The following PIP5K1B variants were observed in gnomAD, a reference collection of about 807,000 sequenced individuals.
PIP5K1B encodes the protein phosphatidylinositol-4-phosphate 5-kinase type 1 beta.
In PIP5K1B, 42 loss-of-function variants were observed where a neutral mutation model predicts 67.0. That is an observed-to-expected ratio of 0.63 (90% confidence interval 0.49 to 0.81). PIP5K1B has a LOEUF of 0.81. PIP5K1B is among the 30% of genes least tolerant of loss of function. The pLI is 0.00. For missense variants in PIP5K1B, 459 were observed against 646.3 expected (o/e 0.71, Z 3.14); for synonymous variants, 214 against 231.4 (o/e 0.92, Z 0.68).
chr9:68,943,478 G>A (rs1185980501), intron 14 of PIP5K1B, among the ~76,000 whole-genome samples: 2 of 151,994 alleles, frequency 1.3e-5, no homozygotes, highest in Non-Finnish European at 2.9e-5. Flanking sequence ...TTATTCAACT[G>A]GCAAACTTCA....
At chr9:68,783,000 A>G (rs1403512844) in intron 2 of PIP5K1B, 1 of 166,990 alleles carries the variant, frequency 6.0e-6, no homozygotes, top group Non-Finnish European at 1.5e-5. Flanking sequence ...TCCCTTCTCT[A>G]TCTGTTGCCC....
At chr9:68,804,845 T>C (rs1345886177) in intron 2 of PIP5K1B, among the ~76,000 whole-genome samples, 2 of 152,210 alleles carry the variant, frequency 1.3e-5, no homozygotes, top group Non-Finnish European at 2.9e-5. Context: ...TACTTGGAGT[T>C]GTTGGAAGAA....
chr9:68,925,307 G>T (rs1249919831), intron 12 of PIP5K1B, among the ~76,000 whole-genome samples: 3 of 152,134 alleles, frequency 2.0e-5, no homozygotes, highest in Non-Finnish European at 4.4e-5. Flanking sequence ...TAAAATGCAC[G>T]TAACTGCGCA....
Position 68,894,601 on chromosome 9 carries a change from A to ACAACGCGCTTATGAAAACAC in PIP5K1B, c.735_754dup (p.Leu252ProfsTer5), listed in dbSNP as rs1824984299. On this transcript the variant is annotated frameshift_variant, in exon 8 of 16. Coordinates refer to ENST00000265382, the MANE Select transcript of PIP5K1B (RefSeq NM_003558.4). LOFTEE classifies it high-confidence loss of function. The stretch of plus-strand genomic sequence containing the variant: ...GGGTTGTATTTTGATACGGAAACAT[A>ACAACGCGCTTATGAAAACAC]CAACGCGCTTATGAAAACACTTCAG... 6.2e-7 allele frequency: 1 copy of ACAACGCGCTTATGAAAACAC among 1,614,034 alleles called. No individual in the cohort carries two copies. The highest frequency in any genetic ancestry group is 8.5e-7 in the Non-Finnish European group (1 of 1,179,976).
chr9:68,877,021 A>T (rs1051244691), intron 6 of PIP5K1B, among the ~76,000 whole-genome samples: 2 of 152,226 alleles, frequency 1.3e-5, no homozygotes, highest in Non-Finnish European at 2.9e-5. Context: ...TATTTAAATA[A>T]CTATAATATC....
chr9:68,834,689 G>T (rs1044623139), intron 4 of PIP5K1B, among the ~76,000 whole-genome samples: 5 of 152,172 alleles, frequency 3.3e-5, no homozygotes, highest in African/African-American at 1.2e-4. Flanking sequence ...GGGCTGGGGG[G>T]CTGAAGAGGG....
intron 3 of PIP5K1B, among the ~76,000 whole-genome samples, chr9:68,818,927 C>T (rs1833590438): frequency 6.6e-6 from 1 of 152,162 alleles, no homozygotes; most frequent in East Asian, 1.9e-4. Context: ...ATCACCAGAA[C>T]TTCTGAGAAT....
intron 2 of PIP5K1B, among the ~76,000 whole-genome samples, chr9:68,766,708 T>C (rs374003400): frequency 1.3e-4 from 20 of 152,324 alleles, no homozygotes; most frequent in African/African-American, 4.6e-4. Context: ...TTTTTTTCTA[T>C]GTGTCTGTAT....
chr9:68,828,987 A>G (rs1834140646), intron 4 of PIP5K1B, among the ~76,000 whole-genome samples: 1 of 152,230 alleles, frequency 6.6e-6, no homozygotes, highest in Non-Finnish European at 1.5e-5. Flanking sequence ...CTGTGATCCC[A>G]GCTGCTTGGG....
chr9:69,002,939 T>G (rs962681483), intron 15 of PIP5K1B, among the ~76,000 whole-genome samples: 16 of 152,172 alleles, frequency 1.1e-4, no homozygotes, highest in African/African-American at 3.6e-4. Flanking sequence ...GCCAAGATCA[T>G]GCTGTTGCTC....
chr9:68,845,336 A>G (rs569816193), intron 4 of PIP5K1B, among the ~76,000 whole-genome samples: 4 of 152,262 alleles, frequency 2.6e-5, no homozygotes, highest in African/African-American at 9.6e-5. Flanking sequence ...TTTGGTCAAA[A>G]AGTTGGTTGG....
At chr9:68,997,867 G>T (rs181197148) in intron 15 of PIP5K1B, among the ~76,000 whole-genome samples, 1 of 152,008 alleles carries the variant, frequency 6.6e-6, no homozygotes, top group South Asian at 2.1e-4. Flanking sequence ...AAGGATTAGC[G>T]TAGGGAATTC....
At chr9:68,974,575 G>A (rs921267844) in intron 14 of PIP5K1B, among the ~76,000 whole-genome samples, 3 of 152,198 alleles carry the variant, frequency 2.0e-5, no homozygotes, top group African/African-American at 7.2e-5. Flanking sequence ...CTCAGGACAG[G>A]TGTCGACCTG....
At chr9:68,918,978 C>A (rs994551986) in intron 9 of PIP5K1B, among the ~76,000 whole-genome samples, 1 of 152,096 alleles carries the variant, frequency 6.6e-6, no homozygotes, top group Admixed American at 6.5e-5. Flanking sequence ...CACACACACA[C>A]ATACTAGAAA....
chr9:68,929,984 T>G (rs986913463), intron 12 of PIP5K1B, among the ~76,000 whole-genome samples: 2 of 152,216 alleles, frequency 1.3e-5, no homozygotes, highest in African/African-American at 2.4e-5. Context: ...TCAGTCTTCT[T>G]AAAACTCTCC....
chr9:68,914,091 ATCT>A (rs770867719), intron 8 of PIP5K1B, among the ~76,000 whole-genome samples: 1 of 152,222 alleles, frequency 6.6e-6, no homozygotes, highest in Non-Finnish European at 1.5e-5. Context: ...TTTTAAAAAA[ATCT>A]TCTTAACAAT....
intron 4 of PIP5K1B, among the ~76,000 whole-genome samples, chr9:68,839,123 T>C (rs564807798): frequency 6.6e-6 from 1 of 152,356 alleles, no homozygotes; most frequent in South Asian, 2.1e-4. Flanking sequence ...ATTTTGGTTT[T>C]GGCAGAGGGG....
chr9:68,946,769 G>C (rs1031336957), intron 14 of PIP5K1B, among the ~76,000 whole-genome samples: 2 of 152,206 alleles, frequency 1.3e-5, no homozygotes, highest in African/African-American at 2.4e-5. Flanking sequence ...CTCAGATGGT[G>C]GTGGGTAAAG....
intron 14 of PIP5K1B, among the ~76,000 whole-genome samples, chr9:68,946,561 T>G (rs1827814048): frequency 1.3e-5 from 2 of 151,634 alleles, no homozygotes; most frequent in Non-Finnish European, 2.9e-5. Context: ...CCCGGCTAAT[T>G]TTTTTTTAGT....
Sources: allele counts gnomAD v4.1 joint callset (sites outside exome capture counted in the v4.1 genomes callset), GRCh38; gene constraint gnomAD v4.1.1; transcripts MANE v1.5; gene names NCBI Gene and HGNC (gene_info 2026-07-23, HGNC 2026-07-21).